CMIP: variants seen among roughly 807,000 people sequenced by gnomAD.
The protein encoded by CMIP is C-Maf-inducing protein.
CMIP carries 13 observed loss-of-function variants against 97.3 expected under a neutral mutation model. The observed-to-expected ratio is 0.13, with a 90% confidence interval of 0.09 to 0.21. The LOEUF is 0.21. CMIP is among the 10% of genes least tolerant of loss of function. The pLI, the probability that CMIP is intolerant of heterozygous loss-of-function variation, is 1.00. For missense variants in CMIP, 847 were observed against 1,024.9 expected, an observed-to-expected ratio of 0.83 and a Z score of 2.37; for synonymous variants, 538 against 436.3, an observed-to-expected ratio of 1.23 and a Z score of -2.91.
chr16:81,709,817 A>G lies in CMIP; in HGVS notation c.*18A>G. 1.2e-6 allele frequency: 2 copies of G among 1,613,638 alleles called. No homozygotes were observed. Among genetic ancestry groups the G allele is most frequent in the African/African-American group, 1.3e-5 (1 of 75,042 alleles). On this transcript the variant is annotated 3_prime_UTR_variant, in exon 21 of 21. Transcript: ENST00000537098. ...CCTGGTGAAGCTCCCAGCTCAAGGC[A>G]GGAAGACGTTTGCAACCGCGACAAA...
At chr16:81,604,289 A>G (rs1371590697) in intron 1 of CMIP, among the ~76,000 whole-genome samples, 3 of 150,174 alleles carry the variant, frequency 2.0e-5, no homozygotes, top group Non-Finnish European at 4.4e-5. Context: ...CCAGCTACTC[A>G]GGAGGCTGAG....
chr16:81,561,841 T>A lies in CMIP; in HGVS notation c.301-45726T>A, dbSNP rs556135683. On this transcript the variant is annotated intron_variant, in intron 1 of 20. Coordinates refer to ENST00000537098, the MANE Select transcript of CMIP (RefSeq NM_198390.3). ...TCAGTTTCAGTAGGTACATTTCAGATGCTCAGTAGCCAGCCCAGATACAGA... is the reference window on the plus strand; with the variant it reads ...TCAGTTTCAGTAGGTACATTTCAGAAGCTCAGTAGCCAGCCCAGATACAGA... Among the ~76,000 whole-genome samples the A allele has an allele frequency of 3.9e-5, 6 of 152,366 alleles. No individual in the cohort carries two copies. In the South Asian group the frequency reaches 1.2e-3, roughly 32 times the overall value.
intron 11 of CMIP, among the ~76,000 whole-genome samples, chr16:81,692,164 A>G (rs958940476): frequency 6.6e-6 from 1 of 152,182 alleles, no homozygotes; most frequent in African/African-American, 2.4e-5. Flanking sequence ...ATCGTCTTTT[A>G]TTATGCACCA....
intron 1 of CMIP, among the ~76,000 whole-genome samples, chr16:81,526,609 T>G (rs937036720): frequency 2.6e-5 from 4 of 152,228 alleles, no homozygotes; most frequent in African/African-American, 9.6e-5. Context: ...TATGATCAGC[T>G]TCCTTTCCTT....
At chr16:81,595,477 C>T (rs1160223941) in intron 1 of CMIP, among the ~76,000 whole-genome samples, 8 of 151,458 alleles carry the variant, frequency 5.3e-5, no homozygotes, top group Non-Finnish European at 1.2e-4. Context: ...CAGCTTCTGC[C>T]TGCCCTGTTC....
intron 1 of CMIP, among the ~76,000 whole-genome samples, chr16:81,483,268 A>G (rs543138479): frequency 3.0e-3 from 461 of 152,222 alleles, no homozygotes; most frequent in African/African-American, 0.011. Context: ...CAGCGGCTAA[A>G]GGAGGTAAAG....
At chr16:81,629,134 TAAAAAAAAAAAAAA>T (rs10533097) in intron 3 of CMIP, among the ~76,000 whole-genome samples, 1,808 of 45,770 alleles carry the variant, frequency 0.04, 80 homozygotes, top group African/African-American at 0.12. Flanking sequence ...AAACTGTGCT[TAAAAAAAAAAAAAA>T]AAAAAAAAAA....
At chr16:81,597,959 G>T (rs1464207271) in intron 1 of CMIP, among the ~76,000 whole-genome samples, 1 of 151,980 alleles carries the variant, frequency 6.6e-6, no homozygotes, top group Non-Finnish European at 1.5e-5. Context: ...GCCTCTGCTT[G>T]TTGAATGACT....
intron 3 of CMIP, chr16:81,645,714 G>T: frequency 7.8e-7 from 1 of 1,280,262 alleles, no homozygotes; most frequent in Non-Finnish European, 1.1e-6. Context: ...TGGCTGGTGG[G>T]GCTTGGGCTC....
chr16:81,647,193 T>C (rs1201157685), intron 3 of CMIP, among the ~76,000 whole-genome samples: 1 of 152,228 alleles, frequency 6.6e-6, no homozygotes. Flanking sequence ...AGCTTGCGTT[T>C]TCCCGAGGGC....
At chr16:81,567,679 G>A (rs1416427622) in intron 1 of CMIP, among the ~76,000 whole-genome samples, 1 of 152,308 alleles carries the variant, frequency 6.6e-6, no homozygotes, top group Admixed American at 6.5e-5. Flanking sequence ...GCCGCCCTCA[G>A]GACCCTCCTG....
intron 3 of CMIP, chr16:81,631,393 G>A (rs888845365): frequency 6.6e-6 from 1 of 152,250 alleles, no homozygotes; most frequent in Non-Finnish European, 1.5e-5. Flanking sequence ...CCCAGCTGGA[G>A]CTATCTTTGG....
chr16:81,659,418 A>G (rs955815195), intron 5 of CMIP, among the ~76,000 whole-genome samples: 1 of 152,104 alleles, frequency 6.6e-6, no homozygotes, highest in African/African-American at 2.4e-5. Context: ...TCCTGGGAGG[A>G]TGATGATGGA....
At chr16:81,541,931 C>A (rs2090457053) in intron 1 of CMIP, among the ~76,000 whole-genome samples, 1 of 152,192 alleles carries the variant, frequency 6.6e-6, no homozygotes, top group East Asian at 1.9e-4. Context: ...ATGTCTATTT[C>A]ATGTTTTAAT....
At position 81,515,237 on chromosome 16, in the gene CMIP, G is replaced by C. The variant is rs568487556; in HGVS notation, c.300+69696G>C. 2.0e-5 allele frequency among the ~76,000 whole-genome samples: 3 copies of C among 152,302 alleles called. No individual in the cohort carries two copies. In the East Asian group the frequency reaches 5.8e-4, roughly 29 times the overall value. On this transcript the variant is annotated intron_variant, in intron 1 of 20. Coordinates refer to ENST00000537098, the MANE Select transcript of CMIP (RefSeq NM_198390.3). ...GGGCTCTAGGGCTGAAGGATTGACC[G>C]GGCAGGTGAGGCTGAACCCTCTCAC...
At chr16:81,545,303 A>G (rs1322716657) in intron 1 of CMIP, among the ~76,000 whole-genome samples, 4 of 152,108 alleles carry the variant, frequency 2.6e-5, no homozygotes, top group African/African-American at 9.7e-5. Flanking sequence ...CTGCAGACGA[A>G]CCCGTCCTTG....
At chr16:81,504,876 C>G (rs905572934) in intron 1 of CMIP, among the ~76,000 whole-genome samples, 1 of 152,094 alleles carries the variant, frequency 6.6e-6, no homozygotes, top group Non-Finnish European at 1.5e-5. Context: ...TTATAGTTTT[C>G]AAAAATATTG....
chr16:81,610,086 C>T (rs1047777498), intron 2 of CMIP, among the ~76,000 whole-genome samples: 15 of 152,166 alleles, frequency 9.9e-5, no homozygotes, highest in African/African-American at 3.4e-4. Flanking sequence ...TTTCCTGCTC[C>T]ACCAGCAAAG....
chr16:81,589,909 T>G (rs946704071), intron 1 of CMIP, among the ~76,000 whole-genome samples: 3 of 152,210 alleles, frequency 2.0e-5, no homozygotes, highest in African/African-American at 7.2e-5. Context: ...TGTGTAATGA[T>G]AGGCCGGCGT....
Sources: allele counts gnomAD v4.1 joint callset (sites outside exome capture counted in the v4.1 genomes callset), GRCh38; gene constraint gnomAD v4.1.1; transcripts MANE v1.5; gene names NCBI Gene and HGNC (gene_info 2026-07-23, HGNC 2026-07-21).